Variants in CCDC171 observed in about 807,000 individuals in gnomAD.
The protein encoded by CCDC171 is coiled-coil domain containing 171.
CCDC171 carries 177 observed loss-of-function variants against 168.2 expected under a neutral mutation model. That is an observed-to-expected ratio of 1.05 (90% confidence interval 0.93 to 1.19). CCDC171 has a LOEUF of 1.19. Among genes scored for constraint, CCDC171 ranks in the 50% most tolerant of loss-of-function variants. The pLI is 0.00. For missense variants in CCDC171, 1,991 were observed against 1,539.0 expected, an observed-to-expected ratio of 1.29 and a Z score of -4.91; for synonymous variants, 687 against 540.8, an observed-to-expected ratio of 1.27 and a Z score of -3.75.
chr9:15,967,092 C>A (rs1288466103), intron 25 of CCDC171, among the ~76,000 whole-genome samples: 3 of 152,058 alleles, frequency 2.0e-5, no homozygotes, highest in Admixed American at 2.0e-4. Context: ...GCCTATGAGA[C>A]CAGCATGACA....
At chr9:15,555,574 G>A (rs2038721083) in intron 1 of CCDC171, among the ~76,000 whole-genome samples, 1 of 152,198 alleles carries the variant, frequency 6.6e-6, no homozygotes, top group South Asian at 2.1e-4. Flanking sequence ...AGGGCCAATA[G>A]CAAGGCACAC....
intron 6 of CCDC171, among the ~76,000 whole-genome samples, chr9:15,620,333 G>C (rs2044406034): frequency 6.6e-6 from 1 of 152,186 alleles, no homozygotes; most frequent in Admixed American, 6.5e-5. Flanking sequence ...ATTCATGTGA[G>C]GAGGTCCAAA....
At chr9:15,813,057 A>G (rs1258821051) in intron 21 of CCDC171, among the ~76,000 whole-genome samples, 1 of 152,064 alleles carries the variant, frequency 6.6e-6, no homozygotes, top group Non-Finnish European at 1.5e-5. Context: ...GAATACTGAA[A>G]TGGGTATTTG....
chr9:16,069,612 T>C, the CCDC171 span, among the ~76,000 whole-genome samples: 1 of 152,242 alleles, frequency 6.6e-6, no homozygotes, highest in Non-Finnish European at 1.5e-5. Flanking sequence ...TTAGAATTTA[T>C]AATAGATTAG....
intron 7 of CCDC171, among the ~76,000 whole-genome samples, chr9:15,649,258 T>C (rs904643130): frequency 6.6e-6 from 1 of 152,192 alleles, no homozygotes; most frequent in African/African-American, 2.4e-5. Context: ...CAAGATGAAT[T>C]AAAGACTTAA....
At chr9:15,914,510 G>A (rs760668397) in intron 24 of CCDC171, among the ~76,000 whole-genome samples, 5 of 152,116 alleles carry the variant, frequency 3.3e-5, no homozygotes, top group Non-Finnish European at 7.4e-5. Flanking sequence ...CCAAGCTTGA[G>A]CATCCCAGGT....
intron 6 of CCDC171, among the ~76,000 whole-genome samples, chr9:15,611,338 A>G (rs1587401764): frequency 6.6e-6 from 1 of 152,316 alleles, no homozygotes; most frequent in Non-Finnish European, 1.5e-5. Flanking sequence ...GCCTAATACA[A>G]GAACCTTTCC....
At chr9:15,800,265 G>A (rs75185454) in intron 21 of CCDC171, among the ~76,000 whole-genome samples, 2,770 of 151,934 alleles carry the variant, frequency 0.018, 39 homozygotes, top group Non-Finnish European at 0.026. Context: ...TCTCCCTTGT[G>A]CATCCATTTG....
chr9:15,920,226 C>T (rs1478451810), intron 24 of CCDC171, 44 bp from the exon 25 acceptor site: 5 of 1,220,670 alleles, frequency 4.1e-6, no homozygotes, highest in Non-Finnish European at 5.6e-6. Context: ...CCTTTGGGGA[C>T]ATATTTATTT....
chr9:15,660,045 A>G (rs2048203048), intron 8 of CCDC171, among the ~76,000 whole-genome samples: 1 of 152,200 alleles, frequency 6.6e-6, no homozygotes, highest in Non-Finnish European at 1.5e-5. Context: ...GTTTTAATTA[A>G]TGCAATTTAT....
intron 4 of CCDC171, among the ~76,000 whole-genome samples, chr9:15,582,303 G>A (rs185286343): frequency 1.3e-5 from 2 of 152,346 alleles, no homozygotes; most frequent in East Asian, 3.9e-4. Flanking sequence ...GAGATGTGGA[G>A]AAATAGGAAT....
At chr9:15,710,996 C>T (rs758912840) in intron 11 of CCDC171, among the ~76,000 whole-genome samples, 100 of 152,150 alleles carry the variant, frequency 6.6e-4, no homozygotes, top group Non-Finnish European at 1.2e-3. Flanking sequence ...GATTGCATCC[C>T]ATTGTATAGT....
intron 18 of CCDC171, among the ~76,000 whole-genome samples, chr9:15,772,753 A>G (rs1486075646): frequency 6.6e-6 from 1 of 152,204 alleles, no homozygotes; most frequent in Non-Finnish European, 1.5e-5. Flanking sequence ...GTTACGAGTT[A>G]TTCTATCTAC....
chr9:15,821,475 C>T (rs1186382824), intron 21 of CCDC171, among the ~76,000 whole-genome samples: 1 of 117,296 alleles, frequency 8.5e-6, no homozygotes, highest in East Asian at 2.1e-4. Flanking sequence ...AGCTGATAAG[C>T]AACTTCAGCA....
chr9:15,722,606 A>G lies in CCDC171; in HGVS notation c.1425+731A>G, dbSNP rs79410892. Among the ~76,000 whole-genome samples the G allele has an allele frequency of 4.0e-3, 614 of 152,364 alleles. 1 individual carries two copies. The highest frequency in any genetic ancestry group is 0.014 in the African/African-American group (601 of 41,586). ...AGCAAAGCAACAAACAGATTGTTAG[A>G]GTCAAAGACAAGTCACATAGCATGG... On this transcript the variant is annotated intron_variant, in intron 12 of 25. Transcript: ENST00000380701.
intron 23 of CCDC171, among the ~76,000 whole-genome samples, chr9:15,871,479 G>A (rs10962187): frequency 0.36 from 54,503 of 151,236 alleles, 12,209 homozygotes; most frequent in East Asian, 0.63. Flanking sequence ...TTCCTTTTAG[G>A]AAAAAAATAA....
intron 7 of CCDC171, 48 bp downstream of exon 7, chr9:15,623,461 ATATG>A (rs750695545): frequency 1.6e-6 from 1 of 644,176 alleles, no homozygotes; most frequent in South Asian, 1.8e-5. Flanking sequence ...AAACTTTCAC[ATATG>A]CGCGCGCGCG....
In CCDC171 at chr9:15,874,672, C is replaced by A; in HGVS notation, c.3600+9C>A. ...AGGTGGTAGCATGCCAGGTTAGAGT[C>A]TAAATAACATTGTTTGCTACTGAGA... On this transcript the variant is annotated intron_variant, in intron 24 of 25. Coordinates refer to ENST00000380701, the MANE Select transcript of CCDC171 (RefSeq NM_173550.4). 6.4e-7 allele frequency: 1 copy of A among 1,560,880 alleles called. No individual in the cohort carries two copies. The highest frequency in any genetic ancestry group is 1.4e-5 in the African/African-American group (1 of 72,360).
chr9:15,562,215 C>T (rs1376754554), intron 1 of CCDC171, among the ~76,000 whole-genome samples: 1 of 152,070 alleles, frequency 6.6e-6, no homozygotes, highest in East Asian at 1.9e-4. Flanking sequence ...AGACTGGTCT[C>T]TACCTCCTGA....
Sources: gnomAD v4.1 joint callset for allele counts (sites outside exome capture counted in the v4.1 genomes callset) on GRCh38, gnomAD v4.1.1 for gene constraint, MANE v1.5 for transcripts, NCBI Gene and HGNC (gene_info 2026-07-23, HGNC 2026-07-21) for gene names.